Variants in NRXN3 observed in about 807,000 individuals in gnomAD.
NRXN3 encodes the protein neurexin 3.
In NRXN3, 32 loss-of-function variants were observed where a neutral mutation model predicts 137.6. The ratio of observed to expected loss-of-function variants is 0.23; its 90% CI spans 0.18 to 0.31. The LOEUF is 0.31. NRXN3 is among the 10% of genes least tolerant of loss of function. The pLI, the probability that NRXN3 is intolerant of heterozygous loss-of-function variation, is 1.00. For synonymous variants in NRXN3, 798 were observed against 784.5 expected, an observed-to-expected ratio of 1.02 and a Z score of -0.29; for missense variants, 1,574 against 2,062.5, an observed-to-expected ratio of 0.76 and a Z score of 4.59.
intron 15 of NRXN3, among the ~76,000 whole-genome samples, chr14:79,087,747 G>A (rs753325310): frequency 2.0e-5 from 3 of 151,988 alleles, no homozygotes; most frequent in African/African-American, 7.3e-5. Context: ...CATCTTTACC[G>A]CATTCTTTTA....
At chr14:78,426,314 C>T (rs1169663538) in intron 4 of NRXN3, among the ~76,000 whole-genome samples, 2 of 152,144 alleles carry the variant, frequency 1.3e-5, no homozygotes, top group Non-Finnish European at 2.9e-5. Flanking sequence ...CTTCCAGGGG[C>T]ACGTGAGGTA....
intron 16 of NRXN3, among the ~76,000 whole-genome samples, chr14:79,637,743 T>TTTTTTTTTTTTG (rs1567741861): frequency 6.9e-6 from 1 of 143,956 alleles, no homozygotes; most frequent in African/African-American, 2.8e-5. Flanking sequence ...TTTTTTTTTT[T>TTTTTTTTTTTTG]TTTTGAGATG....
At chr14:78,350,969 TA>T (rs2083401243) in intron 4 of NRXN3, among the ~76,000 whole-genome samples, 2 of 21,334 alleles carry the variant, frequency 9.4e-5, no homozygotes, top group Non-Finnish European at 1.9e-4. Flanking sequence ...ATTTTTATTA[TA>T]AAAATTAAAA....
intron 19 of NRXN3, among the ~76,000 whole-genome samples, chr14:79,735,364 T>C (rs1463384550): frequency 1.3e-5 from 2 of 152,162 alleles, no homozygotes; most frequent in Admixed American, 1.3e-4. Flanking sequence ...CAGCAAAAAA[T>C]AAAGCTATTT....
intron 15 of NRXN3, among the ~76,000 whole-genome samples, chr14:79,253,586 T>A (rs953310394): frequency 1.3e-5 from 2 of 152,182 alleles, no homozygotes; most frequent in African/African-American, 4.8e-5. Context: ...AGAAAAGAGG[T>A]TTAATTGACT....
At chr14:78,607,611 G>A (rs1041603042) in intron 4 of NRXN3, among the ~76,000 whole-genome samples, 7 of 152,134 alleles carry the variant, frequency 4.6e-5, no homozygotes, top group African/African-American at 1.4e-4. Context: ...AGGGAAGAGT[G>A]TTTATTCTTG....
At chr14:79,128,798 A>C (rs1404325352) in intron 15 of NRXN3, among the ~76,000 whole-genome samples, 1 of 151,876 alleles carries the variant, frequency 6.6e-6, no homozygotes, top group African/African-American at 2.4e-5. Context: ...CTGTGAATCC[A>C]TCTGGTCCTG....
intron 20 of NRXN3, among the ~76,000 whole-genome samples, chr14:79,858,117 T>C (rs932252084): frequency 6.6e-6 from 1 of 151,860 alleles, no homozygotes; most frequent in Admixed American, 6.6e-5. Flanking sequence ...ACCCTCTTAC[T>C]GTAGAGTTAT....
At chr14:78,810,653 A>G (rs1418318400) in intron 10 of NRXN3, among the ~76,000 whole-genome samples, 1 of 152,166 alleles carries the variant, frequency 6.6e-6, no homozygotes, top group Non-Finnish European at 1.5e-5. Context: ...ATGATGATTT[A>G]TTGTTTTTGG....
At chr14:78,955,121 G>A (rs2099394517) in intron 10 of NRXN3, among the ~76,000 whole-genome samples, 1 of 152,170 alleles carries the variant, frequency 6.6e-6, no homozygotes, top group African/African-American at 2.4e-5. Context: ...GCCCGTACTT[G>A]TAGCAGTTCT....
chr14:78,877,531 C>T (rs1271263920), intron 10 of NRXN3, among the ~76,000 whole-genome samples: 2 of 152,186 alleles, frequency 1.3e-5, no homozygotes, highest in African/African-American at 2.4e-5. Flanking sequence ...CCTTCTTCTA[C>T]ACTTTCAGAA....
chr14:79,386,450 G>A (rs2094620375), intron 15 of NRXN3, among the ~76,000 whole-genome samples: 1 of 152,074 alleles, frequency 6.6e-6, no homozygotes, highest in South Asian at 2.1e-4. Flanking sequence ...TGAAATAAAA[G>A]AGGATACAAA....
chr14:78,426,818 A>G (rs1053657696), intron 4 of NRXN3, among the ~76,000 whole-genome samples: 3 of 152,168 alleles, frequency 2.0e-5, no homozygotes, highest in African/African-American at 7.2e-5. Context: ...TCAACATGCC[A>G]AAGTGCTGTA....
intron 19 of NRXN3, among the ~76,000 whole-genome samples, chr14:79,788,624 G>A (rs1424077536): frequency 6.6e-6 from 1 of 152,172 alleles, no homozygotes; most frequent in Non-Finnish European, 1.5e-5. Context: ...CACCATAATA[G>A]ACTGAGCTCA....
At chr14:78,263,873 TTGTGTGTGTGTGTGTGTGTGTG>T (rs3059009) in intron 2 of NRXN3, among the ~76,000 whole-genome samples, 1,383 of 135,652 alleles carry the variant, frequency 0.01, 23 homozygotes, top group African/African-American at 0.036. Flanking sequence ...CAGTTCTATT[TTGTGTGTGTGTGTGTGTGTGTG>T]TGTGTGTGTG....
intron 15 of NRXN3, among the ~76,000 whole-genome samples, chr14:79,296,279 T>A (rs1400165885): frequency 6.6e-6 from 1 of 152,112 alleles, no homozygotes; most frequent in Non-Finnish European, 1.5e-5. Flanking sequence ...CACGTTGTAG[T>A]GTGACAAACA....
At chr14:79,442,275 TAG>T (rs1250747656) in intron 15 of NRXN3, among the ~76,000 whole-genome samples, 2 of 152,174 alleles carry the variant, frequency 1.3e-5, no homozygotes. Context: ...GCAATAAAAA[TAG>T]AGTCTCAGGA....
chr14:79,285,498 A>G lies in NRXN3; in HGVS notation c.3263-181723A>G, dbSNP rs142961886. On this transcript the variant is annotated intron_variant, in intron 15 of 20. Transcript: ENST00000335750. ...TTAAACAAGAGAAATTTGTTTGCTC[A>G]AGGCTCTGTAGAGTAAATGTCTGAG... 2.6e-4 allele frequency among the ~76,000 whole-genome samples: 39 copies of G among 152,316 alleles called. 1 individual carries two copies. In the East Asian group the frequency reaches 7.5e-3, roughly 29 times the overall value.
chr14:78,828,995 G>T (rs2098974581), intron 10 of NRXN3, among the ~76,000 whole-genome samples: 1 of 152,146 alleles, frequency 6.6e-6, no homozygotes, highest in African/African-American at 2.4e-5. Flanking sequence ...CTTGAATGAT[G>T]AGAAGGATCT....
Sources: gnomAD v4.1 joint callset for allele counts (sites outside exome capture counted in the v4.1 genomes callset) on GRCh38, gnomAD v4.1.1 for gene constraint, MANE v1.5 for transcripts, NCBI Gene and HGNC (gene_info 2026-07-23, HGNC 2026-07-21) for gene names.